The following ERI3 variants were observed in gnomAD, a reference collection of about 807,000 sequenced individuals.
ERI3 encodes ERI1 exoribonuclease 3.
A neutral mutation model predicts 44.4 loss-of-function variants in ERI3; 18 were observed. That is an observed-to-expected ratio of 0.41 (90% CI 0.28 to 0.60). ERI3 has a LOEUF of 0.60. Ranked by LOEUF, ERI3 falls within the 20% of genes least tolerant of loss-of-function variation. ERI3 has a pLI of 0.36. For synonymous variants in ERI3, 183 were observed against 164.8 expected (o/e 1.11, Z -0.84); for missense variants, 294 against 435.5 (o/e 0.68, Z 2.89).
At chr1:44,352,963 C>G (rs80152700) in intron 1 of ERI3, 38 bp from the exon 2 acceptor site, 61,201 of 1,612,560 alleles carry the variant, frequency 0.038, 1,240 homozygotes, top group Middle Eastern at 0.056. Flanking sequence ...AAGTCTATTT[C>G]AATACCAAGG....
intron 7 of ERI3, among the ~76,000 whole-genome samples, chr1:44,272,801 C>A (rs1645112235): frequency 6.6e-6 from 1 of 151,758 alleles, no homozygotes; most frequent in Admixed American, 6.6e-5. Context: ...GATCATGCCA[C>A]CGCATTCCAG....
chr1:44,280,646 T>C (rs1215242321), intron 7 of ERI3, among the ~76,000 whole-genome samples: 1 of 152,138 alleles, frequency 6.6e-6, no homozygotes. Context: ...ATGCCAAACA[T>C]AGCTCTATCA....
Position 44,335,907 on chromosome 1 carries a change from C to A in ERI3, c.489+3138G>T, listed in dbSNP as rs528355395. On this transcript the variant is annotated intron_variant, in intron 3 of 8. Transcript: ENST00000372257. ...CCGGTCCTTTTGCTGTCTCTTCTGG[C>A]AGTTCATTCTCATCCCAAATCTCAA... 4.6e-5 allele frequency among the ~76,000 whole-genome samples: 7 copies of A among 152,210 alleles called. 2 individuals are homozygous for A. Among genetic ancestry groups the A allele is most frequent in the African/African-American group, 1.7e-4 (7 of 41,516 alleles).
intron 4 of ERI3, among the ~76,000 whole-genome samples, chr1:44,318,073 G>A (rs1373330985): frequency 5.3e-5 from 8 of 152,306 alleles, no homozygotes. Flanking sequence ...CTAGAGAGAA[G>A]AAACTGTTCA....
At chr1:44,346,607 G>C (rs1168815591) in intron 2 of ERI3, among the ~76,000 whole-genome samples, 1 of 152,136 alleles carries the variant, frequency 6.6e-6, no homozygotes, top group Non-Finnish European at 1.5e-5. Context: ...ATCCCTTTAA[G>C]CACCTCTCAC....
intron 7 of ERI3, among the ~76,000 whole-genome samples, chr1:44,253,333 T>C (rs1644720149): frequency 6.6e-6 from 1 of 152,208 alleles, no homozygotes; most frequent in Non-Finnish European, 1.5e-5. Flanking sequence ...TACTGCGAGA[T>C]GGGATGACAG....
chr1:44,294,259 G>A (rs1645566424), intron 6 of ERI3, among the ~76,000 whole-genome samples: 1 of 152,142 alleles, frequency 6.6e-6, no homozygotes, highest in Admixed American at 6.5e-5. Context: ...CATGGTCCAG[G>A]CTGCTGGTGC....
intron 2 of ERI3, among the ~76,000 whole-genome samples, chr1:44,351,852 T>TG (rs1646897113): frequency 6.6e-6 from 1 of 151,958 alleles, no homozygotes; most frequent in South Asian, 2.1e-4. Context: ...TAATTTCCCG[T>TG]GTTCTTTGAG....
chr1:44,313,479 T>C (rs550561202), intron 4 of ERI3, among the ~76,000 whole-genome samples: 1 of 152,306 alleles, frequency 6.6e-6, no homozygotes, highest in South Asian at 2.1e-4. Flanking sequence ...CAAGGCGTGT[T>C]CTCACACCTG....
At chr1:44,262,572 G>C (rs144292057) in intron 7 of ERI3, among the ~76,000 whole-genome samples, 5 of 152,304 alleles carry the variant, frequency 3.3e-5, no homozygotes, top group African/African-American at 1.2e-4. Context: ...GCTACACCAG[G>C]CTGCCAAGAC....
In ERI3 at chr1:44,278,859, T is replaced by C. The variant is rs189809635; in HGVS notation, c.831+5976A>G. Among the ~76,000 whole-genome samples the C allele has an allele frequency of 5.1e-3, 776 of 152,310 alleles. 4 individuals are homozygous for C. Among genetic ancestry groups the C allele is most frequent in the African/African-American group, 0.018 (737 of 41,568 alleles). The stretch of plus-strand genomic sequence containing the variant: ...CTCAGGTGATCTGCCCACCTCGGCC[T>C]CCCAAAGTGCTGAGATTACAGGCAT... On this transcript the variant is annotated intron_variant, in intron 7 of 8. Transcript: ENST00000372257.
chr1:44,313,791 C>A (rs967020010), intron 4 of ERI3, among the ~76,000 whole-genome samples: 3 of 152,102 alleles, frequency 2.0e-5, no homozygotes, highest in Non-Finnish European at 4.4e-5. Flanking sequence ...CTTCACCCTG[C>A]ATACGTGGGC....
chr1:44,248,686 T>C (rs1644605024), intron 7 of ERI3, among the ~76,000 whole-genome samples: 1 of 143,006 alleles, frequency 7.0e-6, no homozygotes, highest in East Asian at 2.0e-4. Context: ...TGTGTGTATG[T>C]ATGTGTGTGA....
intron 2 of ERI3, among the ~76,000 whole-genome samples, chr1:44,348,575 T>C (rs1646830107): frequency 6.6e-6 from 1 of 152,226 alleles, no homozygotes; most frequent in Non-Finnish European, 1.5e-5. Context: ...CCTCAAGGAA[T>C]GTCCCCAAAG....
chr1:44,339,105 A>G lies in ERI3; in HGVS notation c.429T>C (p.Tyr143=). The change falls in exon 3 of 9, where the codon TAT becomes TAC. Residue 143 remains tyrosine (Y), a synonymous_variant. Transcript: ENST00000372257. The part of the protein sequence containing the change: ...AAMVSFPPQR[Y]HYFLVLDFEA... ...CAAAGTCCAGCACTAAAAAGTAGTG[A>G]TACCTCTGGGGAGGGAAGGACACCA... 6.2e-7 allele frequency: 1 copy of G among 1,614,052 alleles called. No individual in the cohort carries two copies. The highest frequency in any genetic ancestry group is 1.1e-5 in the South Asian group (1 of 91,072).
At chr1:44,299,131 A>T (rs1335332992) in intron 6 of ERI3, among the ~76,000 whole-genome samples, 110 of 152,102 alleles carry the variant, frequency 7.2e-4, no homozygotes, top group Admixed American at 1.6e-3. Flanking sequence ...AAATATATTG[A>T]GCTATATACA....
At chr1:44,323,031 C>T in intron 3 of ERI3, 1 of 1,000,028 alleles carries the variant, frequency 1.0e-6, no homozygotes, top group Non-Finnish European at 1.3e-6. Context: ...GACCTTTTCT[C>T]TCAGCCAATT....
At chr1:44,313,737 C>G (rs1215204273) in intron 4 of ERI3, among the ~76,000 whole-genome samples, 1 of 152,148 alleles carries the variant, frequency 6.6e-6, no homozygotes, top group Non-Finnish European at 1.5e-5. Context: ...CACACTCTCC[C>G]TAACACCTTC....
chr1:44,294,540 T>A (rs1344334412), intron 6 of ERI3, among the ~76,000 whole-genome samples: 1 of 152,200 alleles, frequency 6.6e-6, no homozygotes, highest in Non-Finnish European at 1.5e-5. Flanking sequence ...GACAAGTGCC[T>A]CTCCGGTGTC....
Sources: allele counts gnomAD v4.1 joint callset (sites outside exome capture counted in the v4.1 genomes callset), GRCh38; gene constraint gnomAD v4.1.1; transcripts MANE v1.5; gene names NCBI Gene and HGNC (gene_info 2026-07-23, HGNC 2026-07-21).